The following STAP1 variants were observed in gnomAD, a reference collection of about 807,000 sequenced individuals.
The protein encoded by STAP1 is signal transducing adaptor family member 1.
In STAP1, 30 loss-of-function variants were observed where a neutral mutation model predicts 37.8. That is an observed-to-expected ratio of 0.79 (90% confidence interval 0.59 to 1.08). STAP1 has a LOEUF of 1.08. Among genes scored for constraint, STAP1 ranks in the 50% least tolerant of loss-of-function variants. STAP1 has a pLI of 0.00. For synonymous variants in STAP1, 130 were observed against 116.0 expected, an observed-to-expected ratio of 1.12 and a Z score of -0.78; for missense variants, 357 against 349.4, an observed-to-expected ratio of 1.02 and a Z score of -0.17.
rs117843499 is a variant in STAP1 at position 67,601,403 on chromosome 4, C to T, written c.827-4893C>T. ...TAAGTAGTTTACACACCACAATTTA[C>T]GGTGTTATAATATTCTGTTTTGTCT... On this transcript the variant is annotated intron_variant, in intron 8 of 8. Coordinates refer to ENST00000265404, the MANE Select transcript of STAP1 (RefSeq NM_012108.4). Among the ~76,000 whole-genome samples the T allele has an allele frequency of 1.2e-3, 181 of 152,306 alleles. 2 individuals are homozygous for T. The East Asian group carries it at 0.016, about 13-fold the overall frequency.
intron 7 of STAP1, among the ~76,000 whole-genome samples, chr4:67,592,497 C>A (rs1385448275): frequency 6.6e-6 from 1 of 152,108 alleles, no homozygotes; most frequent in Non-Finnish European, 1.5e-5. Flanking sequence ...CTACAGCTAA[C>A]TTAAGAAAAA....
intron 8 of STAP1, among the ~76,000 whole-genome samples, chr4:67,594,598 C>T (rs1577766852): frequency 6.6e-6 from 1 of 152,148 alleles, no homozygotes; most frequent in South Asian, 2.1e-4. Context: ...ACATATTAAT[C>T]CAATTTCTGG....
rs964329474 is a variant in STAP1, at chr4:67,559,804, G to C, written c.120+875G>C. Among the ~76,000 whole-genome samples, 7 of 152,140 alleles carry C rather than the reference G, an allele frequency of 4.6e-5. No homozygotes were observed. In the East Asian group the frequency reaches 1.2e-3, roughly 25 times the overall value. On this transcript the variant is annotated intron_variant, in intron 1 of 8. Coordinates refer to ENST00000265404, the MANE Select transcript of STAP1 (RefSeq NM_012108.4). Reference sequence around the variant, plus strand: ...TTAATGATGCTAAAATATATTTTCTGAGGATTTATGAATACTTGTGGAAAA... The same window carrying C: ...TTAATGATGCTAAAATATATTTTCTCAGGATTTATGAATACTTGTGGAAAA...
chr4:67,573,116 C>A lies in STAP1; in HGVS notation c.192+1961C>A, dbSNP rs543179772. On this transcript the variant is annotated intron_variant, in intron 2 of 8. Coordinates refer to ENST00000265404, the MANE Select transcript of STAP1 (RefSeq NM_012108.4). ...ACAAAAGGGAAGAATTTAAAGCTGGCTTTAAATATTTGAAAGGCTGTCAGG... is the reference window on the plus strand; with the variant it reads ...ACAAAAGGGAAGAATTTAAAGCTGGATTTAAATATTTGAAAGGCTGTCAGG... Among the ~76,000 whole-genome samples the A allele has an allele frequency of 5.3e-5, 8 of 152,252 alleles. No homozygotes were observed. The South Asian group carries it at 1.5e-3, about 28-fold the overall frequency.
At chr4:67,584,737 CAA>C (rs1049265451) in intron 6 of STAP1, among the ~76,000 whole-genome samples, 7 of 152,192 alleles carry the variant, frequency 4.6e-5, no homozygotes, top group African/African-American at 1.7e-4. Context: ...GCTGTGACTG[CAA>C]TGAAAAGAGC....
chr4:67,563,258 A>G (rs573190581), intron 1 of STAP1, among the ~76,000 whole-genome samples: 13 of 152,352 alleles, frequency 8.5e-5, no homozygotes, highest in Non-Finnish European at 1.0e-4. Context: ...GCATAGCTGA[A>G]TAGGTTGCTC....
At chr4:67,584,027 G>A (rs1470263277) in intron 6 of STAP1, among the ~76,000 whole-genome samples, 1 of 149,698 alleles carries the variant, frequency 6.7e-6, no homozygotes, top group Non-Finnish European at 1.5e-5. Flanking sequence ...GAACCCAGGA[G>A]GCAGAGGTTG....
intron 8 of STAP1, among the ~76,000 whole-genome samples, chr4:67,604,602 T>C (rs914495294): frequency 2.3e-4 from 35 of 152,366 alleles, no homozygotes; most frequent in African/African-American, 8.2e-4. Context: ...CTTGGTTATC[T>C]TAGTGTTGGC....
At position 67,606,334 on chromosome 4, in the gene STAP1, A is replaced by C. The variant is rs1483219455; in HGVS notation, c.865A>C (p.Lys289Gln). The change falls in exon 9 of 9, where the codon AAG (lysine) becomes CAG (glutamine). Residue 289 changes from lysine to glutamine, a missense_variant. Lys to Gln is a moderately conservative substitution (Grantham distance 53). Coordinates refer to ENST00000265404, the MANE Select transcript of STAP1 (RefSeq NM_012108.4). ...TATGGAAGGGAGAAGTGAAAAGTTG[A>C]AGAAAAATCCACACATTGCATGAAA... is the stretch of plus-strand genomic sequence containing the variant. ...PSMEGRSEKLKKNPHIA is the reference protein window; with the variant it reads ...PSMEGRSEKLQKNPHIA 6.2e-7 allele frequency: 1 copy of C among 1,611,794 alleles called. No homozygotes were observed. Among genetic ancestry groups the C allele is most frequent in the South Asian group, 1.1e-5 (1 of 90,468 alleles).
At chr4:67,570,380 G>A (rs1199645614) in intron 1 of STAP1, among the ~76,000 whole-genome samples, 4 of 152,146 alleles carry the variant, frequency 2.6e-5, no homozygotes, top group Admixed American at 1.3e-4. Flanking sequence ...CAGTTGATAC[G>A]AATTTTTCAG....
At chr4:67,578,958 AG>A (rs1727789536) in intron 4 of STAP1, among the ~76,000 whole-genome samples, 1 of 151,844 alleles carries the variant, frequency 6.6e-6, no homozygotes, top group Non-Finnish European at 1.5e-5. Flanking sequence ...CCTCCCAAGT[AG>A]CTGGGATTAA....
At chr4:67,582,336 G>A (rs1578029343) in intron 5 of STAP1, among the ~76,000 whole-genome samples, 1 of 148,464 alleles carries the variant, frequency 6.7e-6, no homozygotes, top group African/African-American at 2.5e-5. Context: ...TTTTGAGACA[G>A]TGTCTCACTC....
intron 4 of STAP1, among the ~76,000 whole-genome samples, chr4:67,578,687 C>T (rs1207816013): frequency 1.3e-5 from 2 of 152,012 alleles, no homozygotes; most frequent in African/African-American, 4.8e-5. Context: ...TTTTTGCATC[C>T]CCCCGGTACA....
intron 6 of STAP1, among the ~76,000 whole-genome samples, chr4:67,589,913 C>T (rs1202206825): frequency 6.6e-6 from 1 of 151,924 alleles, no homozygotes; most frequent in Admixed American, 6.6e-5. Flanking sequence ...CAATGATTCG[C>T]CCACCTAACA....
At chr4:67,578,930 G>A (rs1727788588) in intron 4 of STAP1, among the ~76,000 whole-genome samples, 1 of 151,358 alleles carries the variant, frequency 6.6e-6, no homozygotes. Context: ...CTGCGTTCAA[G>A]CAATTCTCCT....
intron 3 of STAP1, among the ~76,000 whole-genome samples, chr4:67,576,369 T>C (rs1419459286): frequency 1.3e-5 from 2 of 152,246 alleles, no homozygotes; most frequent in Non-Finnish European, 2.9e-5. Flanking sequence ...AACAAGGTTT[T>C]TTTTTCGTTC....
At chr4:67,568,947 C>G (rs1727537049) in intron 1 of STAP1, among the ~76,000 whole-genome samples, 1 of 152,168 alleles carries the variant, frequency 6.6e-6, no homozygotes, top group Non-Finnish European at 1.5e-5. Flanking sequence ...AAATGAACTA[C>G]TTAAACACAA....
rs778568896 is a variant in STAP1, at chr4:67,581,408, C to A, written c.467C>A (p.Thr156Lys). 3 of 1,613,644 alleles carry A rather than the reference C, an allele frequency of 1.9e-6. No individual in the cohort carries two copies. The highest frequency in any genetic ancestry group is 2.7e-5 in the African/African-American group (2 of 74,892). ...AGGAGGATTGAGACAGAGCAGAGTA[C>A]GTCCGTGGAAAAAGAGAAGGAACCA... ...KKRRIETEQS[T>K]SVEKEKEPTE... Residue 156 changes from threonine to lysine, a missense_variant, in exon 5 of 9, where the codon ACG becomes AAG. Coordinates refer to ENST00000265404, the MANE Select transcript of STAP1 (RefSeq NM_012108.4).
chr4:67,579,885 A>G (rs1727812047), intron 4 of STAP1, among the ~76,000 whole-genome samples: 3 of 151,348 alleles, frequency 2.0e-5, no homozygotes, highest in Admixed American at 2.0e-4. Context: ...TTTTTTTTTG[A>G]GATGGAGTCT....
Sources: gnomAD v4.1 joint callset for allele counts (sites outside exome capture counted in the v4.1 genomes callset) on GRCh38, gnomAD v4.1.1 for gene constraint, MANE v1.5 for transcripts, NCBI Gene and HGNC (gene_info 2026-07-23, HGNC 2026-07-21) for gene names.